MED12L: variants seen among roughly 807,000 people sequenced by gnomAD.
MED12L encodes the protein mediator of RNA polymerase II transcription subunit 12-like protein.
In MED12L, 60 loss-of-function variants were observed where a neutral mutation model predicts 281.3. The ratio of observed to expected loss-of-function variants is 0.21; its 90% CI spans 0.17 to 0.26. The LOEUF is 0.26. MED12L is among the 10% of genes least tolerant of loss of function. MED12L has a pLI of 1.00. For synonymous variants in MED12L, 974 were observed against 987.2 expected (o/e 0.99, Z 0.25); for missense variants, 2,146 against 2,680.9 (o/e 0.80, Z 4.41).
chr3:151,397,031 G>T (rs547645076), intron 39 of MED12L, among the ~76,000 whole-genome samples: 2 of 152,226 alleles, frequency 1.3e-5, no homozygotes, highest in Admixed American at 6.5e-5. Flanking sequence ...ACCACCGACA[G>T]TTGTACTGCT....
intron 16 of MED12L, among the ~76,000 whole-genome samples, chr3:151,263,785 G>A (rs955203091): frequency 2.6e-5 from 4 of 152,084 alleles, no homozygotes; most frequent in African/African-American, 9.7e-5. Context: ...TATCAGCTCT[G>A]TGACTCTTGG....
intron 39 of MED12L, among the ~76,000 whole-genome samples, chr3:151,397,137 T>G (rs1178088831): frequency 1.3e-5 from 2 of 152,206 alleles, no homozygotes; most frequent in African/African-American, 4.8e-5. Context: ...ATTCTTCTCT[T>G]TTTAAACTTT....
chr3:151,353,343 CAT>C (rs1261141970), intron 17 of MED12L, among the ~76,000 whole-genome samples: 2 of 152,188 alleles, frequency 1.3e-5, no homozygotes, highest in African/African-American at 4.8e-5. Flanking sequence ...ATGCTCATGA[CAT>C]GTGAGCAGCT....
chr3:151,401,739 T>C (rs997742368), intron 39 of MED12L, among the ~76,000 whole-genome samples: 4 of 152,212 alleles, frequency 2.6e-5, no homozygotes, highest in African/African-American at 7.2e-5. Flanking sequence ...TTAATATACA[T>C]TTCAATGACA....
chr3:151,351,421 G>T (rs1415272264), intron 17 of MED12L, among the ~76,000 whole-genome samples: 1 of 152,120 alleles, frequency 6.6e-6, no homozygotes, highest in Non-Finnish European at 1.5e-5. Flanking sequence ...TCCCAGTTAA[G>T]GGCTTTGAAA....
chr3:151,258,609 G>T (rs1456630687), intron 16 of MED12L, among the ~76,000 whole-genome samples: 1 of 152,018 alleles, frequency 6.6e-6, no homozygotes, highest in Admixed American at 6.6e-5. Flanking sequence ...GTTCACTTTA[G>T]ATCTAGCCTC....
intron 16 of MED12L, chr3:151,294,709 T>C (rs2242353): frequency 0.78 from 1,255,219 of 1,613,854 alleles, 489,121 homozygotes; most frequent in Middle Eastern, 0.88. Context: ...GACCATTTGT[T>C]AGGATGATGT....
chr3:151,176,287 C>T (rs1407157263), intron 11 of MED12L, among the ~76,000 whole-genome samples: 1 of 152,120 alleles, frequency 6.6e-6, no homozygotes, highest in African/African-American at 2.4e-5. Context: ...TACTGTATAA[C>T]AAACATATAT....
At chr3:151,137,946 C>G (rs1203733778) in intron 5 of MED12L, among the ~76,000 whole-genome samples, 1 of 151,866 alleles carries the variant, frequency 6.6e-6, no homozygotes, top group Non-Finnish European at 1.5e-5. Flanking sequence ...ATATGTAATA[C>G]CTTGACATAT....
intron 16 of MED12L, chr3:151,329,457 A>G (rs1238889433): frequency 6.7e-7 from 1 of 1,489,748 alleles, no homozygotes; most frequent in South Asian, 1.2e-5. Context: ...AAGCACACTC[A>G]TAATAACAAA....
intron 16 of MED12L, among the ~76,000 whole-genome samples, chr3:151,224,379 A>G (rs1730054614): frequency 6.6e-6 from 1 of 151,814 alleles, no homozygotes; most frequent in Non-Finnish European, 1.5e-5. Flanking sequence ...GTAATCATTT[A>G]TACATTTTTA....
chr3:151,246,654 C>A (rs934129766), intron 16 of MED12L, among the ~76,000 whole-genome samples: 10 of 152,096 alleles, frequency 6.6e-5, no homozygotes, highest in South Asian at 4.1e-4. Context: ...GTTAGACCTA[C>A]AACCATAAAA....
intron 23 of MED12L, among the ~76,000 whole-genome samples, chr3:151,367,090 G>A (rs972435632): frequency 6.9e-6 from 1 of 144,178 alleles, no homozygotes; most frequent in African/African-American, 2.6e-5. Flanking sequence ...AGATTTCACT[G>A]TGACTGAATT....
At chr3:151,229,607 T>C (rs1731232912) in intron 16 of MED12L, among the ~76,000 whole-genome samples, 1 of 151,568 alleles carries the variant, frequency 6.6e-6, no homozygotes. Flanking sequence ...GCCTCCCTAG[T>C]AGCTGGGACT....
At chr3:151,279,918 C>T (rs1218233880) in intron 16 of MED12L, among the ~76,000 whole-genome samples, 3 of 152,118 alleles carry the variant, frequency 2.0e-5, no homozygotes, top group Non-Finnish European at 4.4e-5. Flanking sequence ...TTTTGTGCTT[C>T]TTGACTTCCC....
At chr3:151,335,824 T>G (rs1191430340) in intron 16 of MED12L, among the ~76,000 whole-genome samples, 1 of 152,216 alleles carries the variant, frequency 6.6e-6, no homozygotes, top group Admixed American at 6.5e-5. Context: ...TATGTAAAAT[T>G]TCCATGGCAT....
At chr3:151,321,222 C>CT (rs933963489) in intron 16 of MED12L, among the ~76,000 whole-genome samples, 8 of 152,202 alleles carry the variant, frequency 5.3e-5, no homozygotes, top group Non-Finnish European at 1.0e-4. Flanking sequence ...TTTTTATAAT[C>CT]TTTTTTGACA....
intron 16 of MED12L, among the ~76,000 whole-genome samples, chr3:151,321,633 G>A (rs1042659316): frequency 1.3e-5 from 2 of 152,112 alleles, no homozygotes; most frequent in African/African-American, 4.8e-5. Flanking sequence ...AAAAATAAAG[G>A]TGGACATTCT....
chr3:151,190,678 C>T, intron 13 of MED12L, 39 bp from the exon 14 acceptor site: 1 of 1,583,842 alleles, frequency 6.3e-7, no homozygotes, highest in Non-Finnish European at 8.7e-7. Flanking sequence ...TTTCTACCAC[C>T]TGCTCAAGGA....
Sources: gnomAD v4.1 joint callset for allele counts (sites outside exome capture counted in the v4.1 genomes callset) on GRCh38, gnomAD v4.1.1 for gene constraint, MANE v1.5 for transcripts, NCBI Gene and HGNC (gene_info 2026-07-23, HGNC 2026-07-21) for gene names.